Variants in CAST observed in about 807,000 individuals in gnomAD.
CAST encodes calpastatin.
A neutral mutation model predicts 119.6 loss-of-function variants in CAST; 76 were observed. The ratio of observed to expected loss-of-function variants is 0.64; its 90% CI spans 0.53 to 0.77. The LOEUF (loss-of-function observed/expected upper bound fraction) is 0.77, where lower values mean the gene tolerates loss of function less well. Ranked by LOEUF, CAST falls within the 30% of genes least tolerant of loss-of-function variation. The pLI, the probability that CAST is intolerant of heterozygous loss-of-function variation, is 0.00. For synonymous variants in CAST, 319 were observed against 331.6 expected, an observed-to-expected ratio of 0.96 and a Z score of 0.41; for missense variants, 953 against 946.5, an observed-to-expected ratio of 1.01 and a Z score of -0.09.
chr5:96,172,716 T>C, the CAST span, among the ~76,000 whole-genome samples: 4 of 152,224 alleles, frequency 2.6e-5, no homozygotes, highest in African/African-American at 9.6e-5. Context: ...GATCCCTCTC[T>C]AGTTAGTTTA....
intron 3 of CAST, among the ~76,000 whole-genome samples, chr5:96,705,713 G>A (rs1040797031): frequency 4.0e-5 from 6 of 151,862 alleles, no homozygotes; most frequent in African/African-American, 9.7e-5. Context: ...TTCTAATGTG[G>A]CTATAACACA....
chr5:96,599,814 G>A (rs2150193665), intron 1 of CAST, among the ~76,000 whole-genome samples: 1 of 152,078 alleles, frequency 6.6e-6, no homozygotes, highest in African/African-American at 2.4e-5. Context: ...TTGGGTCCAG[G>A]TACACCCACA....
At chr5:96,008,921 C>T in the CAST span, among the ~76,000 whole-genome samples, 1 of 152,128 alleles carries the variant, frequency 6.6e-6, no homozygotes, top group South Asian at 2.1e-4. Flanking sequence ...ATCCCATCAT[C>T]CAGGTAGTGA....
At chr5:96,472,358 T>C in the CAST span, among the ~76,000 whole-genome samples, 2 of 152,216 alleles carry the variant, frequency 1.3e-5, no homozygotes, top group African/African-American at 4.8e-5. Flanking sequence ...CACACCATTC[T>C]TTCCAGTGTC....
At chr5:96,030,066 A>G in the CAST span, among the ~76,000 whole-genome samples, 1 of 152,064 alleles carries the variant, frequency 6.6e-6, no homozygotes. Flanking sequence ...CAAGACAAAT[A>G]TATTTAATAG....
At chr5:96,545,181 T>C (rs1002423968) in intron 1 of CAST, 13 of 152,350 alleles carry the variant, frequency 8.5e-5, no homozygotes, top group African/African-American at 3.1e-4. Context: ...CATTGTTTTA[T>C]ATATTTTATC....
chr5:96,092,643 A>G, the CAST span, among the ~76,000 whole-genome samples: 2 of 152,224 alleles, frequency 1.3e-5, no homozygotes, highest in Non-Finnish European at 2.9e-5. Context: ...AGATTACTAT[A>G]ACATACTATC....
the CAST span, among the ~76,000 whole-genome samples, chr5:96,140,610 C>T: frequency 1.3e-5 from 2 of 152,220 alleles, no homozygotes; most frequent in African/African-American, 4.8e-5. Flanking sequence ...TTTACTTGAC[C>T]TCTCCAATCT....
Position 96,766,092 on chromosome 5 carries a change from A to G in CAST, c.2077A>G (p.Arg693Gly), listed in dbSNP as rs1769843685. ...KAEHRDKLGE[R>G]DDTIPPEYRH... ...TGAACATAGAGACAAGCTTGGAGAA[A>G]GAGATGACACTATCCCACCTGAATA... is the stretch of plus-strand genomic sequence containing the variant. The change falls in exon 27 of 32, where the codon AGA (arginine) becomes GGA (glycine). Residue 693 changes from arginine (R) to glycine (G), a missense_variant. Arg to Gly is a moderately radical substitution (Grantham distance 125). Transcript: ENST00000675179. 3.7e-6 allele frequency: 6 copies of G among 1,611,760 alleles called. No homozygotes were observed. Among genetic ancestry groups the G allele is most frequent in the African/African-American group, 1.3e-5 (1 of 74,852 alleles).
At chr5:96,721,755 A>G (rs1758301779) in intron 3 of CAST, among the ~76,000 whole-genome samples, 1 of 152,222 alleles carries the variant, frequency 6.6e-6, no homozygotes, top group African/African-American at 2.4e-5. Flanking sequence ...CCAGTGTAAT[A>G]CAAGTTAAGT....
chr5:96,118,925 A>T, the CAST span, among the ~76,000 whole-genome samples: 1 of 151,970 alleles, frequency 6.6e-6, no homozygotes, highest in African/African-American at 2.4e-5. Flanking sequence ...GTCTCACCCT[A>T]ACTAGTTTCA....
At chr5:96,273,280 A>G in the CAST span, among the ~76,000 whole-genome samples, 1 of 152,212 alleles carries the variant, frequency 6.6e-6, no homozygotes. Context: ...GGAACTTCAG[A>G]GAAGTCCTCC....
At chr5:96,457,859 A>G in the CAST span, among the ~76,000 whole-genome samples, 1 of 152,148 alleles carries the variant, frequency 6.6e-6, no homozygotes, top group African/African-American at 2.4e-5. Flanking sequence ...ATTTTTCCCT[A>G]TTAGGGGTTT....
At chr5:96,546,415 A>G (rs1746018918) in intron 1 of CAST, 1 of 152,206 alleles carries the variant, frequency 6.6e-6, no homozygotes, top group South Asian at 2.1e-4. Context: ...CCTTATAGCT[A>G]GGTGTGTCAG....
At chr5:96,748,665 A>C in intron 19 of CAST, 52 bp downstream of exon 19, 1 of 890,702 alleles carries the variant, frequency 1.1e-6, no homozygotes, top group African/African-American at 1.7e-5. Context: ...GATCTTAAAA[A>C]AAAATTGTGA....
chr5:96,647,004 A>G (rs913265713), intron 1 of CAST, among the ~76,000 whole-genome samples: 4 of 152,132 alleles, frequency 2.6e-5, no homozygotes, highest in Non-Finnish European at 4.4e-5. Context: ...CTCCCATTTC[A>G]CCATCTTCTT....
At chr5:96,692,585 C>A (rs992503184) in intron 2 of CAST, among the ~76,000 whole-genome samples, 4 of 152,206 alleles carry the variant, frequency 2.6e-5, no homozygotes, top group African/African-American at 9.7e-5. Context: ...AGGGCCCTTG[C>A]ACGTGCTGCC....
the CAST span, among the ~76,000 whole-genome samples, chr5:96,108,886 C>T: frequency 2.0e-5 from 3 of 152,228 alleles, no homozygotes; most frequent in African/African-American, 4.8e-5. Flanking sequence ...ACTCCGTGGG[C>T]ATAGGACCCT....
chr5:96,183,011 C>T, the CAST span, among the ~76,000 whole-genome samples: 3 of 151,918 alleles, frequency 2.0e-5, no homozygotes, highest in East Asian at 1.9e-4. Context: ...TGGTGGCAGG[C>T]GCCTGTAGTC....
Sources: gnomAD v4.1 joint callset for allele counts (sites outside exome capture counted in the v4.1 genomes callset) on GRCh38, gnomAD v4.1.1 for gene constraint, MANE v1.5 for transcripts, NCBI Gene and HGNC (gene_info 2026-07-23, HGNC 2026-07-21) for gene names.